Variants in ARL6IP6 observed in about 807,000 individuals in gnomAD.
ARL6IP6 encodes ARF like GTPase 6 interacting protein 6, also known as ADP-ribosylation factor-like protein 6-interacting protein 6.
A neutral mutation model predicts 21.5 loss-of-function variants in ARL6IP6; 22 were observed. The ratio of observed to expected loss-of-function variants is 1.02; its 90% confidence interval spans 0.73 to 1.46. The LOEUF is 1.46. ARL6IP6 is among the 40% of genes most tolerant of loss of function. The pLI, the probability that ARL6IP6 is intolerant of heterozygous loss-of-function variation, is 0.00. For synonymous variants in ARL6IP6, 164 were observed against 125.3 expected, an observed-to-expected ratio of 1.31 and a Z score of -2.06; for missense variants, 388 against 299.8, an observed-to-expected ratio of 1.29 and a Z score of -2.17.
intron 2 of ARL6IP6, among the ~76,000 whole-genome samples, chr2:152,731,774 A>G (rs1354895074): frequency 1.3e-5 from 2 of 152,154 alleles, no homozygotes; most frequent in Non-Finnish European, 2.9e-5. Flanking sequence ...AAATTCTTAC[A>G]TCCTTCCAGA....
chr2:152,724,192 T>C (rs938185879), intron 2 of ARL6IP6, among the ~76,000 whole-genome samples: 3 of 151,912 alleles, frequency 2.0e-5, no homozygotes, highest in African/African-American at 7.3e-5. Context: ...GTTTCCGAAT[T>C]GATTGGTTGT....
intron 2 of ARL6IP6, among the ~76,000 whole-genome samples, chr2:152,728,354 C>T (rs2105106934): frequency 1.3e-5 from 2 of 152,238 alleles, no homozygotes; most frequent in South Asian, 4.1e-4. Context: ...AATAGGAAAC[C>T]TTTCCCTAGT....
chr2:152,754,602 A>G (rs1023760981), intron 3 of ARL6IP6, among the ~76,000 whole-genome samples: 7 of 152,164 alleles, frequency 4.6e-5, no homozygotes, highest in African/African-American at 1.4e-4. Flanking sequence ...GTTGGGTCAT[A>G]TGTTAACTCT....
chr2:152,734,352 A>G (rs1011706634), intron 2 of ARL6IP6, among the ~76,000 whole-genome samples: 4 of 149,446 alleles, frequency 2.7e-5, no homozygotes, highest in Admixed American at 1.3e-4. Flanking sequence ...TATAATGTTC[A>G]TAAGAAAACT....
chr2:152,729,259 A>G (rs902210014), intron 2 of ARL6IP6, among the ~76,000 whole-genome samples: 6 of 151,624 alleles, frequency 4.0e-5, no homozygotes, highest in African/African-American at 1.5e-4. Flanking sequence ...AATCCCAGCT[A>G]CTTGGGAGGC....
Position 152,761,566 on chromosome 2 carries a change from G to A in ARL6IP6, c.*1726G>A, listed in dbSNP as rs1442204003. On this transcript the variant is annotated 3_prime_UTR_variant, in exon 4 of 4. Coordinates refer to ENST00000326446, the MANE Select transcript of ARL6IP6 (RefSeq NM_152522.7). ...AGATATGTACACCCTAGACAGTCAT[G>A]TGCCATATAACAACGTTTTGGTCAC... 6.6e-6 allele frequency among the ~76,000 whole-genome samples: 1 copy of A among 152,184 alleles called. No homozygotes were observed. Among genetic ancestry groups the A allele is most frequent in the Non-Finnish European group, 1.5e-5 (1 of 68,036 alleles).
chr2:152,722,224 T>A (rs1699823642), intron 2 of ARL6IP6, among the ~76,000 whole-genome samples: 1 of 152,234 alleles, frequency 6.6e-6, no homozygotes, highest in African/African-American at 2.4e-5. Flanking sequence ...CTTTTAGGTA[T>A]GCATGATAGA....
At chr2:152,758,476 A>G (rs1021831399) in intron 3 of ARL6IP6, among the ~76,000 whole-genome samples, 3 of 152,156 alleles carry the variant, frequency 2.0e-5, no homozygotes, top group African/African-American at 7.2e-5. Context: ...TCATCAACAT[A>G]TATTTGAGGA....
chr2:152,754,426 G>C (rs1376111556), intron 3 of ARL6IP6, among the ~76,000 whole-genome samples: 5 of 152,172 alleles, frequency 3.3e-5, no homozygotes, highest in Non-Finnish European at 7.4e-5. Context: ...AAGGCTGCAT[G>C]GTTTTCCGTA....
At chr2:152,740,641 G>A (rs991768307) in intron 3 of ARL6IP6, among the ~76,000 whole-genome samples, 43 of 148,332 alleles carry the variant, frequency 2.9e-4, no homozygotes, top group Non-Finnish European at 4.7e-4. Flanking sequence ...CATTATAAAT[G>A]TGTATAAATA....
intron 3 of ARL6IP6, among the ~76,000 whole-genome samples, chr2:152,741,502 G>A (rs1418455523): frequency 1.1e-4 from 16 of 150,752 alleles, no homozygotes; most frequent in Non-Finnish European, 1.9e-4. Context: ...CCCCTCAGAG[G>A]AAGAAAAAAA....
At chr2:152,735,819 T>G (rs960348217) in intron 3 of ARL6IP6, among the ~76,000 whole-genome samples, 1 of 90,192 alleles carries the variant, frequency 1.1e-5, no homozygotes, top group Non-Finnish European at 2.6e-5. Context: ...TTATGTATGT[T>G]ATTCTAATAC....
chr2:152,756,920 C>T (rs545063047), intron 3 of ARL6IP6, among the ~76,000 whole-genome samples: 1 of 152,054 alleles, frequency 6.6e-6, no homozygotes, highest in African/African-American at 2.4e-5. Context: ...AGGATCTATC[C>T]AAGAGAAATA....
In ARL6IP6 at chr2:152,718,965, C is replaced by T. The variant is rs1699498035; in HGVS notation, c.341C>T (p.Ser114Leu). 1 of 1,599,640 alleles carries T rather than the reference C, an allele frequency of 6.3e-7. No individual in the cohort carries two copies. ...GTCCAGGTCCTCTCTATTCTCTGCT[C>T]GCTGCTCTTCGCCATTCTTCTCGCC... Reference protein sequence around the residue: ...WPVQVLSILCSLLFAILLAFL... With the variant: ...WPVQVLSILCLLLFAILLAFL... Residue 114 changes from serine (S) to leucine (L), a missense_variant, in exon 1 of 4, where the codon TCG (serine) becomes TTG (leucine). Physicochemically the swap from Ser to Leu is moderately radical, Grantham distance 145. Transcript: ENST00000326446.
intron 3 of ARL6IP6, among the ~76,000 whole-genome samples, chr2:152,756,810 C>T (rs34043301): frequency 0.079 from 12,041 of 152,154 alleles, 616 homozygotes; most frequent in Middle Eastern, 0.16. Flanking sequence ...AACTTAAACT[C>T]ATACGTTGAT....
At chr2:152,730,945 A>G (rs1700281656) in intron 2 of ARL6IP6, among the ~76,000 whole-genome samples, 1 of 152,202 alleles carries the variant, frequency 6.6e-6, no homozygotes, top group African/African-American at 2.4e-5. Flanking sequence ...CATAAGTGCA[A>G]ACATGCATAC....
intron 1 of ARL6IP6, among the ~76,000 whole-genome samples, chr2:152,719,262 C>T (rs1034241288): frequency 1.3e-5 from 2 of 152,134 alleles, no homozygotes; most frequent in Admixed American, 6.5e-5. Context: ...TAAATGGGTA[C>T]TCTTGAAGAA....
intron 2 of ARL6IP6, among the ~76,000 whole-genome samples, chr2:152,722,629 G>A (rs1052057904): frequency 6.6e-6 from 1 of 152,156 alleles, no homozygotes; most frequent in African/African-American, 2.4e-5. Flanking sequence ...TCGGCCACGC[G>A]CGGTGGCTCA....
rs1396518944 is a variant in ARL6IP6, at chr2:152,718,903, G to A, written c.279G>A (p.Ala93=). ...ATAAGCGCAATGGTATCTTTCCCGC[G>A]GCCGCGGGCAGCAGAGCCCAGCCTC... ...LPDKRNGIFP[A]AAGSRAQPRR... Residue 93 remains alanine (A), a synonymous_variant, in exon 1 of 4, where the codon GCG becomes GCA. Transcript: ENST00000326446. 2 of 1,613,904 alleles carry A rather than the reference G, an allele frequency of 1.2e-6. No individual in the cohort carries two copies. The highest frequency in any genetic ancestry group is 1.7e-6 in the Non-Finnish European group (2 of 1,179,916).
Sources: gnomAD v4.1 joint callset for allele counts (sites outside exome capture counted in the v4.1 genomes callset) on GRCh38, gnomAD v4.1.1 for gene constraint, MANE v1.5 for transcripts, NCBI Gene and HGNC (gene_info 2026-07-23, HGNC 2026-07-21) for gene names.